TIAM2: variants seen among roughly 807,000 people sequenced by gnomAD.
The protein encoded by TIAM2 is rho guanine nucleotide exchange factor TIAM2.
TIAM2 carries 80 observed loss-of-function variants against 152.9 expected under a neutral mutation model. That is an observed-to-expected ratio of 0.52 (90% CI 0.44 to 0.63). The LOEUF (loss-of-function observed/expected upper bound fraction) is 0.63. TIAM2 is among the 30% of genes least tolerant of loss of function. The pLI is 0.00. For missense variants in TIAM2, 1,965 were observed against 2,120.1 expected, an observed-to-expected ratio of 0.93 and a Z score of 1.44; for synonymous variants, 804 against 838.0, an observed-to-expected ratio of 0.96 and a Z score of 0.70.
chr6:155,252,237 C>T (rs959501952), intron 23 of TIAM2, among the ~76,000 whole-genome samples: 1 of 152,162 alleles, frequency 6.6e-6, no homozygotes, highest in East Asian at 1.9e-4. Flanking sequence ...AATCTCAGCA[C>T]TTTGGGAGGC....
chr6:155,113,010 A>G (rs1371363557), intron 2 of TIAM2, among the ~76,000 whole-genome samples: 1 of 151,934 alleles, frequency 6.6e-6, no homozygotes, highest in East Asian at 1.9e-4. Flanking sequence ...TCCACACAGC[A>G]GCTACACAGA....
At chr6:155,237,946 T>C (rs1050664253) in intron 15 of TIAM2, among the ~76,000 whole-genome samples, 9 of 152,268 alleles carry the variant, frequency 5.9e-5, no homozygotes, top group African/African-American at 2.2e-4. Flanking sequence ...TCTTTACTTA[T>C]GCAAATGTCT....
At position 155,171,586 on chromosome 6, in the gene TIAM2, A is replaced by C. The variant is rs550552578; in HGVS notation, c.2362-5230A>C. 7.9e-5 allele frequency among the ~76,000 whole-genome samples: 12 copies of C among 152,334 alleles called. No individual in the cohort carries two copies. The South Asian group carries it at 1.5e-3, about 18-fold the overall frequency. Reference sequence around the variant, plus strand: ...AACCTAAAAAACCCCAAAAAACCCCAAAACCAAAACAAACCCCCTAATATT... The same window carrying C: ...AACCTAAAAAACCCCAAAAAACCCCCAAACCAAAACAAACCCCCTAATATT... On this transcript the variant is annotated intron_variant, in intron 9 of 26. Transcript: ENST00000682666.
intron 2 of TIAM2, among the ~76,000 whole-genome samples, chr6:155,108,049 G>A (rs893252608): frequency 2.8e-4 from 43 of 152,282 alleles, no homozygotes; most frequent in South Asian, 2.1e-4. Flanking sequence ...GTAAGGGTAC[G>A]GGTGAACAGC....
Position 155,114,043 on chromosome 6 carries a change from TTTTTTTC to T in TIAM2, c.-117-13440_-117-13434del, listed in dbSNP as rs1409982768. ...ATATATATATATATATATATTTTTT[TTTTTTTC>T]TTTTTTTTTTTTTTTTTTTTTGAAA... is the stretch of plus-strand genomic sequence containing the variant. On this transcript the variant is annotated intron_variant, in intron 2 of 26. Coordinates refer to ENST00000682666, the MANE Select transcript of TIAM2 (RefSeq NM_012454.4). Among the ~76,000 whole-genome samples, 144 of 70,832 alleles carry T rather than the reference TTTTTTTC, an allele frequency of 2.0e-3. 4 individuals carry two copies. Among genetic ancestry groups the T allele is most frequent in the East Asian group, 7.1e-3 (21 of 2,962 alleles). The allele number at this position is 70,832 out of a possible 152,430, so 46.5% of individuals were successfully genotyped here. A position where few individuals can be genotyped will look rare whatever the true frequency, so the allele number is the denominator to read the frequency against.
rs763216069 is a variant in TIAM2 at position 155,130,181 on chromosome 6, G to C, written c.958G>C (p.Asp320His). The C allele has an allele frequency of 1.5e-5, 24 of 1,614,022 alleles. No individual in the cohort carries two copies. In the South Asian group the frequency reaches 2.6e-4, roughly 18 times the overall value. The change falls in exon 4 of 27, where the codon GAT becomes CAT. Residue 320 changes from aspartate (D) to histidine (H), a missense_variant. Asp to His is a moderately conservative substitution (Grantham distance 81, BLOSUM62 -1). Around this residue, in one of 3 missense-constraint regions of TIAM2, gnomAD observed 1,025 missense variants for 1,119.4 expected, o/e 0.92. Transcript: ENST00000682666. ...CTCCCCCTCAGGTATCCGCCTTTCT[G>C]ATGAATACATGGGCACGCATGCCAG... is the stretch of plus-strand genomic sequence containing the variant. ...SLSPSGIRLS[D>H]EYMGTHASLS...
intron 10 of TIAM2, among the ~76,000 whole-genome samples, chr6:155,178,165 T>TAAAAAAAA (rs557378875): frequency 1.2e-5 from 1 of 83,284 alleles, no homozygotes; most frequent in African/African-American, 4.2e-5. Context: ...CGTCTCAAAT[T>TAAAAAAAA]AAAAAAAAAA....
At chr6:155,159,450 A>C (rs1780208122) in intron 7 of TIAM2, among the ~76,000 whole-genome samples, 1 of 152,202 alleles carries the variant, frequency 6.6e-6, no homozygotes, top group South Asian at 2.1e-4. Flanking sequence ...TGTTCACATC[A>C]GAATCGGCTT....
chr6:155,068,565 A>C (rs1583175373), intron 1 of TIAM2, among the ~76,000 whole-genome samples: 1 of 150,832 alleles, frequency 6.6e-6, no homozygotes, highest in Non-Finnish European at 1.5e-5. Context: ...CGATTCTTCT[A>C]CCTCAGCCTC....
chr6:155,022,077 CCT>C (rs1399059926), intron 1 of TIAM2, among the ~76,000 whole-genome samples: 1 of 152,168 alleles, frequency 6.6e-6, no homozygotes, highest in Non-Finnish European at 1.5e-5. Context: ...TTACTTCCCT[CCT>C]CTGTTTTCAG....
At chr6:155,099,043 C>T (rs1274763341) in intron 2 of TIAM2, among the ~76,000 whole-genome samples, 6 of 152,198 alleles carry the variant, frequency 3.9e-5, no homozygotes, top group African/African-American at 9.6e-5. Context: ...CAAAATTAGT[C>T]GGGCGTGGTG....
intron 2 of TIAM2, among the ~76,000 whole-genome samples, chr6:155,104,208 C>A (rs1778626840): frequency 6.6e-6 from 1 of 152,032 alleles, no homozygotes; most frequent in South Asian, 2.1e-4. Flanking sequence ...TGCTGGCCAG[C>A]TCTGTGACCT....
At position 155,041,607 on chromosome 6, in the gene TIAM2, G is replaced by A. The variant is rs149547051; in HGVS notation, c.-209+46115G>A. Among the ~76,000 whole-genome samples the A allele has an allele frequency of 8.6e-5, 13 of 151,942 alleles. No individual in the cohort carries two copies. The East Asian group carries it at 1.4e-3, about 16-fold the overall frequency. On this transcript the variant is annotated intron_variant, in intron 1 of 26. Coordinates refer to ENST00000682666, the MANE Select transcript of TIAM2 (RefSeq NM_012454.4). ...AAGTCTTACAAAAATTAGTTGTCAC[G>A]TTCATGTCACAGCTTTGATTTGATC... is the stretch of plus-strand genomic sequence containing the variant.
intron 2 of TIAM2, among the ~76,000 whole-genome samples, chr6:155,106,993 T>A (rs1173247642): frequency 6.6e-6 from 1 of 152,248 alleles, no homozygotes; most frequent in Admixed American, 6.5e-5. Flanking sequence ...GGATCTGTTT[T>A]TAGCTCTCAA....
At chr6:155,169,340 G>A (rs1780521094) in intron 9 of TIAM2, among the ~76,000 whole-genome samples, 1 of 152,178 alleles carries the variant, frequency 6.6e-6, no homozygotes, top group African/African-American at 2.4e-5. Context: ...ATCTTTACAT[G>A]AACTCCTTGA....
chr6:155,113,719 G>T (rs1291577585), intron 2 of TIAM2, among the ~76,000 whole-genome samples: 1 of 151,854 alleles, frequency 6.6e-6, no homozygotes, highest in African/African-American at 2.4e-5. Flanking sequence ...GCAAGACTCC[G>T]TCTTAAAAAA....
chr6:155,101,894 C>T (rs35279431), intron 2 of TIAM2, among the ~76,000 whole-genome samples: 6 of 151,976 alleles, frequency 3.9e-5, no homozygotes, highest in African/African-American at 7.3e-5. Context: ...AGTAGAGATG[C>T]GGTTTCACCA....
intron 1 of TIAM2, among the ~76,000 whole-genome samples, chr6:155,085,635 A>G (rs1424531124): frequency 2.0e-5 from 3 of 152,230 alleles, no homozygotes; most frequent in Non-Finnish European, 4.4e-5. Flanking sequence ...GACATGGGGC[A>G]GAATCCCTAG....
At chr6:155,130,775 C>T (rs1028892993) in intron 4 of TIAM2, among the ~76,000 whole-genome samples, 7 of 152,146 alleles carry the variant, frequency 4.6e-5, no homozygotes. Flanking sequence ...GGAGGGCTCT[C>T]TTCCTGGCTG....
Sources: allele counts gnomAD v4.1 joint callset (sites outside exome capture counted in the v4.1 genomes callset), GRCh38; gene constraint gnomAD v4.1.1; regional missense constraint gnomAD v4.1.1; transcripts MANE v1.5; gene names NCBI Gene and HGNC (gene_info 2026-07-23, HGNC 2026-07-21).